Variants in ARHGEF3 observed in about 807,000 individuals in gnomAD.
ARHGEF3 encodes 59.8 kDA protein.
In ARHGEF3, 28 loss-of-function variants were observed where a neutral mutation model predicts 63.2. The ratio of observed to expected loss-of-function variants is 0.44; its 90% CI spans 0.33 to 0.61. The LOEUF (loss-of-function observed/expected upper bound fraction) is 0.61, where lower values mean the gene tolerates loss of function less well. Ranked by LOEUF, ARHGEF3 falls within the 20% of genes least tolerant of loss-of-function variation. The pLI is 0.03. For missense variants in ARHGEF3, 533 were observed against 659.3 expected, an observed-to-expected ratio of 0.81 and a Z score of 2.10; for synonymous variants, 266 against 254.2, an observed-to-expected ratio of 1.05 and a Z score of -0.44.
At chr3:57,044,382 T>C (rs1252966497) in intron 1 of ARHGEF3, among the ~76,000 whole-genome samples, 1 of 152,162 alleles carries the variant, frequency 6.6e-6, no homozygotes, top group Non-Finnish European at 1.5e-5. Context: ...AGCTGCACAG[T>C]ACCCAGCCGA....
chr3:56,740,881 T>C (rs768450550), intron 7 of ARHGEF3, among the ~76,000 whole-genome samples: 1 of 152,210 alleles, frequency 6.6e-6, no homozygotes, highest in Admixed American at 6.5e-5. Flanking sequence ...GCTATAGTCA[T>C]AAATATGTGT....
chr3:56,949,923 C>T (rs1363797578), intron 3 of ARHGEF3, among the ~76,000 whole-genome samples: 2 of 151,852 alleles, frequency 1.3e-5, no homozygotes, highest in Non-Finnish European at 2.9e-5. Flanking sequence ...GTACTGGTAC[C>T]AAAACAGAGA....
intron 1 of ARHGEF3, among the ~76,000 whole-genome samples, chr3:57,035,375 A>T (rs1363403930): frequency 6.6e-6 from 1 of 152,124 alleles, no homozygotes; most frequent in African/African-American, 2.4e-5. Flanking sequence ...TTTGAGACAG[A>T]GTCTCGCTCT....
chr3:56,873,468 T>C (rs537166813), intron 4 of ARHGEF3, among the ~76,000 whole-genome samples: 1 of 152,300 alleles, frequency 6.6e-6, no homozygotes, highest in South Asian at 2.1e-4. Context: ...CTCCCACTTA[T>C]AAGGGAGAAC....
chr3:56,967,921 T>C (rs1487912027), intron 2 of ARHGEF3, among the ~76,000 whole-genome samples: 2 of 70,498 alleles, frequency 2.8e-5, no homozygotes, highest in Admixed American at 5.6e-4. Context: ...ATATAATATA[T>C]TATATATAAT....
At chr3:56,834,652 C>T (rs1009906274) in intron 4 of ARHGEF3, among the ~76,000 whole-genome samples, 1 of 151,310 alleles carries the variant, frequency 6.6e-6, no homozygotes, top group Admixed American at 6.6e-5. Flanking sequence ...CCCAGCTTCT[C>T]CTGAGGCAGG....
intron 3 of ARHGEF3, among the ~76,000 whole-genome samples, chr3:56,956,066 C>T (rs1700029303): frequency 6.6e-6 from 1 of 152,170 alleles, no homozygotes; most frequent in South Asian, 2.1e-4. Context: ...TCAAGATAAA[C>T]ATCACAAATG....
At chr3:56,767,448 G>T (rs926352758) in intron 2 of ARHGEF3, among the ~76,000 whole-genome samples, 2 of 151,718 alleles carry the variant, frequency 1.3e-5, no homozygotes, top group South Asian at 2.1e-4. Context: ...GCCGGGCGTG[G>T]TGGCGGGCGC....
intron 4 of ARHGEF3, among the ~76,000 whole-genome samples, chr3:56,876,194 G>A (rs1432126985): frequency 1.3e-5 from 2 of 152,202 alleles, no homozygotes; most frequent in Non-Finnish European, 1.5e-5. Flanking sequence ...TGTGTAAAAG[G>A]TGGAAGGGAG....
At chr3:56,856,455 G>A (rs953806619) in intron 4 of ARHGEF3, among the ~76,000 whole-genome samples, 9 of 152,070 alleles carry the variant, frequency 5.9e-5, no homozygotes, top group African/African-American at 1.9e-4. Flanking sequence ...AACTGACACT[G>A]TCTTTCATTT....
chr3:57,041,238 C>T (rs940133042), intron 1 of ARHGEF3, among the ~76,000 whole-genome samples: 5 of 152,172 alleles, frequency 3.3e-5, no homozygotes, highest in African/African-American at 9.7e-5. Flanking sequence ...TACTGAGCAC[C>T]TCATATGCAC....
intron 4 of ARHGEF3, among the ~76,000 whole-genome samples, chr3:56,832,478 C>T (rs75125109): frequency 0.088 from 13,457 of 152,070 alleles, 781 homozygotes; most frequent in Middle Eastern, 0.16. Flanking sequence ...GCTAACATCT[C>T]CTCTTCCCAC....
At chr3:56,766,443 A>AGAT (rs1267963769) in intron 2 of ARHGEF3, among the ~76,000 whole-genome samples, 1 of 152,242 alleles carries the variant, frequency 6.6e-6, no homozygotes, top group African/African-American at 2.4e-5. Flanking sequence ...CAGTTGAAGA[A>AGAT]GATGGGCAGG....
At chr3:57,020,003 A>C (rs1322182265) in intron 2 of ARHGEF3, among the ~76,000 whole-genome samples, 11 of 152,098 alleles carry the variant, frequency 7.2e-5, no homozygotes, top group Admixed American at 7.2e-4. Context: ...GGTTCAAGTG[A>C]TTCTCCTGCC....
At chr3:57,055,430 A>G (rs377199314) in intron 1 of ARHGEF3, among the ~76,000 whole-genome samples, 2 of 152,134 alleles carry the variant, frequency 1.3e-5, no homozygotes, top group Non-Finnish European at 2.9e-5. Flanking sequence ...CCAGAGTGCC[A>G]GGATTACAGG....
At chr3:56,984,573 TA>T (rs34479082) in intron 2 of ARHGEF3, among the ~76,000 whole-genome samples, 6 of 151,514 alleles carry the variant, frequency 4.0e-5, no homozygotes, top group East Asian at 1.9e-4. Context: ...CTCACAGGTT[TA>T]AAAAAAAAGA....
intron 3 of ARHGEF3, among the ~76,000 whole-genome samples, chr3:56,919,210 A>G (rs2042062628): frequency 6.6e-6 from 1 of 152,120 alleles, no homozygotes; most frequent in South Asian, 2.1e-4. Flanking sequence ...TTTATGTAAA[A>G]TCTCTCAATT....
intron 3 of ARHGEF3, among the ~76,000 whole-genome samples, chr3:56,918,442 G>C (rs1040296679): frequency 6.6e-6 from 1 of 152,220 alleles, no homozygotes; most frequent in African/African-American, 2.4e-5. Flanking sequence ...GAATGGGAAA[G>C]AAGAACTGAA....
intron 1 of ARHGEF3, among the ~76,000 whole-genome samples, chr3:57,062,968 T>A (rs1324226487): frequency 2.0e-5 from 3 of 152,010 alleles, no homozygotes; most frequent in Admixed American, 2.0e-4. Flanking sequence ...GATGACAAGA[T>A]AAATAAGCAA....
Sources: gnomAD v4.1 joint callset for allele counts (sites outside exome capture counted in the v4.1 genomes callset) on GRCh38, gnomAD v4.1.1 for gene constraint, MANE v1.5 for transcripts, NCBI Gene and HGNC (gene_info 2026-07-23, HGNC 2026-07-21) for gene names.